Variants in RBFOX1 observed in about 807,000 individuals in gnomAD.
RBFOX1 encodes the protein RNA binding fox-1 homolog 1.
RBFOX1 carries 8 observed loss-of-function variants against 57.7 expected under a neutral mutation model. The observed-to-expected ratio is 0.14, with a 90% CI of 0.08 to 0.25. The LOEUF (loss-of-function observed/expected upper bound fraction) is 0.25. Among genes scored for constraint, RBFOX1 ranks in the 10% least tolerant of loss-of-function variants. The pLI, the probability that RBFOX1 is intolerant of heterozygous loss-of-function variation, is 1.00. For synonymous variants in RBFOX1, 326 were observed against 222.4 expected, an observed-to-expected ratio of 1.47 and a Z score of -4.15; for missense variants, 611 against 548.5, an observed-to-expected ratio of 1.11 and a Z score of -1.14.
At chr16:5,518,718 A>G (rs554847167) in intron 2 of RBFOX1, among the ~76,000 whole-genome samples, 52 of 152,252 alleles carry the variant, frequency 3.4e-4, no homozygotes, top group African/African-American at 1.2e-3. Context: ...ATCTCTTGAC[A>G]TCCTCAACTG....
At chr16:7,417,598 G>C (rs1378407814) in intron 4 of RBFOX1, among the ~76,000 whole-genome samples, 1 of 151,776 alleles carries the variant, frequency 6.6e-6, no homozygotes, top group East Asian at 1.9e-4. Context: ...GTAGCCTCCT[G>C]TGATAGCCAC....
chr16:5,906,688 C>T (rs2058464677), intron 4 of RBFOX1, among the ~76,000 whole-genome samples: 1 of 150,794 alleles, frequency 6.6e-6, no homozygotes, highest in Non-Finnish European at 1.5e-5. Flanking sequence ...TGTCGCTGAC[C>T]ACACTCCCAG....
intron 4 of RBFOX1, among the ~76,000 whole-genome samples, chr16:5,987,436 A>G (rs772188860): frequency 6.6e-6 from 1 of 152,216 alleles, no homozygotes; most frequent in Non-Finnish European, 1.5e-5. Context: ...TTTTGGCCTG[A>G]AAGCTCTTTG....
At chr16:7,276,651 C>A (rs1363664930) in intron 4 of RBFOX1, among the ~76,000 whole-genome samples, 1 of 152,118 alleles carries the variant, frequency 6.6e-6, no homozygotes, top group African/African-American at 2.4e-5. Context: ...AATTCCTGGG[C>A]AGGTTACCTC....
At chr16:7,661,365 C>A (rs2067673223) in intron 12 of RBFOX1, among the ~76,000 whole-genome samples, 2 of 152,158 alleles carry the variant, frequency 1.3e-5, no homozygotes, top group Non-Finnish European at 2.9e-5. Context: ...CGTTTCCCCC[C>A]AGCCCTCCAA....
intron 1 of RBFOX1, among the ~76,000 whole-genome samples, chr16:5,431,223 A>G (rs1472752994): frequency 6.6e-6 from 1 of 152,182 alleles, no homozygotes; most frequent in Non-Finnish European, 1.5e-5. Flanking sequence ...AAAAATGCTG[A>G]ATAGCCTTTC....
At chr16:5,608,205 C>A (rs903755239) in intron 3 of RBFOX1, among the ~76,000 whole-genome samples, 4 of 152,288 alleles carry the variant, frequency 2.6e-5, no homozygotes, top group Non-Finnish European at 4.4e-5. Context: ...ACCCCGGGGG[C>A]AAGTGTGGTT....
intron 2 of RBFOX1, among the ~76,000 whole-genome samples, chr16:6,326,808 C>T (rs572891316): frequency 2.2e-4 from 33 of 152,226 alleles, no homozygotes; most frequent in African/African-American, 7.5e-4. Context: ...GGAGGACACA[C>T]GACTGCCTTC....
At chr16:7,140,760 T>C (rs191721394) in intron 4 of RBFOX1, among the ~76,000 whole-genome samples, 1 of 152,176 alleles carries the variant, frequency 6.6e-6, no homozygotes, top group Non-Finnish European at 1.5e-5. Context: ...GAAATATTTA[T>C]GGGGAAGGTA....
chr16:5,426,095 T>C (rs887980119), intron 1 of RBFOX1, among the ~76,000 whole-genome samples: 1 of 152,156 alleles, frequency 6.6e-6, no homozygotes, highest in Admixed American at 6.5e-5. Context: ...CAAATCGATT[T>C]CACATTCAGG....
At chr16:6,796,868 T>G (rs1343046036) in intron 3 of RBFOX1, among the ~76,000 whole-genome samples, 1 of 152,212 alleles carries the variant, frequency 6.6e-6, no homozygotes, top group Admixed American at 6.5e-5. Flanking sequence ...GCATGATGAC[T>G]GCTTGTCTTG....
intron 3 of RBFOX1, among the ~76,000 whole-genome samples, chr16:6,750,748 G>C (rs1468386088): frequency 3.3e-5 from 5 of 152,210 alleles, no homozygotes; most frequent in Non-Finnish European, 7.3e-5. Context: ...CAGTGTATGA[G>C]ACAGACCCTT....
intron 3 of RBFOX1, among the ~76,000 whole-genome samples, chr16:6,689,868 T>C (rs1412818437): frequency 6.6e-6 from 1 of 152,184 alleles, no homozygotes; most frequent in African/African-American, 2.4e-5. Flanking sequence ...TGTCTCTGAA[T>C]GTGGTTTCCT....
chr16:5,274,605 C>T lies in RBFOX1; in HGVS notation c.219+34500C>T, dbSNP rs180729606. On this transcript the variant is annotated intron_variant, in intron 1 of 2. Transcript: ENST00000585867. ...AAGTCTCTCTGCCCCTTTCATACGT[C>T]TCCTCCCTGGTGAGCAGAAGAGTTG... Among the ~76,000 whole-genome samples the T allele has an allele frequency of 4.6e-5, 7 of 152,294 alleles. No homozygotes were observed. The East Asian group carries it at 1.2e-3, about 25-fold the overall frequency.
At chr16:5,512,457 A>T (rs1204382274) in intron 2 of RBFOX1, among the ~76,000 whole-genome samples, 1 of 147,200 alleles carries the variant, frequency 6.8e-6, no homozygotes, top group African/African-American at 2.5e-5. Flanking sequence ...TTCTTTCATT[A>T]TGTGGATAAG....
At position 5,340,502 on chromosome 16, in the gene RBFOX1, T is replaced by C. The variant is rs570212901; in HGVS notation, c.219+100397T>C. On this transcript the variant is annotated intron_variant, in intron 1 of 2. Transcript: ENST00000585867. ...CACATATTGGGAGTGATGGCATGTG[T>C]CATTCCTGAAGTAGGAGGAGAGAAG... Among the ~76,000 whole-genome samples the C allele has an allele frequency of 3.4e-3, 511 of 152,316 alleles. 1 individual carries two copies. The highest frequency in any genetic ancestry group is 0.012 in the African/African-American group (492 of 41,570).
At chr16:5,954,484 A>G (rs1297583923) in intron 4 of RBFOX1, among the ~76,000 whole-genome samples, 1 of 152,174 alleles carries the variant, frequency 6.6e-6, no homozygotes, top group Non-Finnish European at 1.5e-5. Context: ...TCCTAATTTC[A>G]GAGATGCTCG....
chr16:7,225,866 C>T (rs1188457825), intron 4 of RBFOX1, among the ~76,000 whole-genome samples: 11 of 136,554 alleles, frequency 8.1e-5, no homozygotes, highest in Non-Finnish European at 3.0e-5. Context: ...AACAAACCTG[C>T]ATATTGTGCA....
intron 4 of RBFOX1, among the ~76,000 whole-genome samples, chr16:5,894,207 G>A (rs1187907792): frequency 1.3e-5 from 2 of 152,172 alleles, no homozygotes; most frequent in Non-Finnish European, 2.9e-5. Flanking sequence ...TTCTTTTAGT[G>A]TTTTACTTTA....
Sources: allele counts gnomAD v4.1 joint callset (sites outside exome capture counted in the v4.1 genomes callset), GRCh38; gene constraint gnomAD v4.1.1; transcripts MANE v1.5; gene names NCBI Gene and HGNC (gene_info 2026-07-23, HGNC 2026-07-21).